U2SURP: variants seen among roughly 807,000 people sequenced by gnomAD.
The protein encoded by U2SURP is U2 snRNP-associated SURP motif-containing protein.
A neutral mutation model predicts 144.9 loss-of-function variants in U2SURP; 9 were observed. The ratio of observed to expected loss-of-function variants is 0.06; its 90% CI spans 0.04 to 0.11. The LOEUF (loss-of-function observed/expected upper bound fraction) is 0.11. U2SURP is among the 10% of genes least tolerant of loss of function. The probability of loss-of-function intolerance (pLI) is 1.00; values close to 1 mark genes in which losing one functional copy is unlikely to be tolerated. For synonymous variants in U2SURP, 408 were observed against 396.8 expected, an observed-to-expected ratio of 1.03 and a Z score of -0.33; for missense variants, 724 against 1,226.7, an observed-to-expected ratio of 0.59 and a Z score of 6.12.
chr3:143,055,086 A>T lies in U2SURP; in HGVS notation c.2918A>T (p.Asp973Val), dbSNP rs766501456. The change falls in exon 27 of 28, where the codon GAT becomes GTT. Residue 973 changes from aspartate to valine, a missense_variant. Asp to Val is a radical substitution (Grantham distance 152). Transcript: ENST00000473835. Reference protein sequence around the residue: ...ESSRSRSSHKDSPRDVSKKAK... With the variant: ...ESSRSRSSHKVSPRDVSKKAK... Reference sequence around the variant, plus strand: ...TCACGGTCCAGGTCATCTCACAAAGATTCTCCTAGAGATGTTAGCAAAAAA... The same window carrying T: ...TCACGGTCCAGGTCATCTCACAAAGTTTCTCCTAGAGATGTTAGCAAAAAA... The T allele has an allele frequency of 1.9e-6, 3 of 1,605,352 alleles. No homozygotes were observed. In the South Asian group the frequency reaches 3.4e-5, roughly 18 times the overall value.
At position 143,043,113 on chromosome 3, in the gene U2SURP, A is replaced by G; in HGVS notation, c.2385-4A>G. ...CATACAATGTATTCTGCTTGTTTCT[A>G]AAGTCAAGAAGAAGAAAGTGAAGAT... On this transcript the variant is annotated splice_polypyrimidine_tract_variant and splice_region_variant and intron_variant, in intron 23 of 27. Transcript: ENST00000473835. 1 of 1,599,430 alleles carries G rather than the reference A, an allele frequency of 6.3e-7. No homozygotes were observed. Among genetic ancestry groups the G allele is most frequent in the East Asian group, 2.2e-5 (1 of 44,714 alleles).
chr3:143,027,974 C>T (rs563231527), intron 14 of U2SURP, among the ~76,000 whole-genome samples: 8 of 152,220 alleles, frequency 5.3e-5, no homozygotes, highest in South Asian at 2.1e-4. Context: ...TGAATTGTTA[C>T]GGTATTCTTA....
chr3:143,020,084 A>C lies in U2SURP; in HGVS notation c.638+48A>C, dbSNP rs1325301904. 4.3e-6 allele frequency: 5 copies of C among 1,167,590 alleles called. No individual in the cohort carries two copies. The Admixed American group carries it at 1.5e-4, about 35-fold the overall frequency. 72.3% of individuals were successfully genotyped at this position (1,167,590 alleles called of 1,614,324 possible). A position where few individuals can be genotyped will look rare whatever the true frequency, so the allele number is the denominator to read the frequency against. ...TAACTATCATAGGTGTATTGAGCTGATACATAAACAGATGCAAGTATAAAG... is the reference window on the plus strand; with the variant it reads ...TAACTATCATAGGTGTATTGAGCTGCTACATAAACAGATGCAAGTATAAAG... On this transcript the variant is annotated intron_variant, in intron 7 of 27. Transcript: ENST00000473835.
chr3:143,010,620 AT>A (rs1421455045), intron 1 of U2SURP, among the ~76,000 whole-genome samples, 194 bp from the exon 2 acceptor site: 3 of 152,220 alleles, frequency 2.0e-5, no homozygotes, highest in Non-Finnish European at 2.9e-5. Flanking sequence ...TGCAGGCTGA[AT>A]TTTAAAGAAA....
chr3:143,005,864 T>G (rs1259854529), intron 1 of U2SURP, among the ~76,000 whole-genome samples: 1 of 152,064 alleles, frequency 6.6e-6, no homozygotes, highest in Non-Finnish European at 1.5e-5. Context: ...GAGCCATCAT[T>G]TTTGGAATAA....
chr3:143,002,327 T>C (rs1653294031), intron 1 of U2SURP: 1 of 152,348 alleles, frequency 6.6e-6, no homozygotes, highest in Admixed American at 6.5e-5. Context: ...TTCTTTATGT[T>C]GAAGAAACAG....
In U2SURP at chr3:143,023,120, G is replaced by T. The variant is rs746395236; in HGVS notation, c.1230+56G>T. On this transcript the variant is annotated intron_variant, in intron 12 of 27. Transcript: ENST00000473835. ...CTAATTTGTAAATACTAAAGCTGTG[G>T]TAGTATTTCTTTTCAACAATTTTAT... is the stretch of plus-strand genomic sequence containing the variant. 3.6e-6 allele frequency: 5 copies of T among 1,382,982 alleles called. No individual in the cohort carries two copies. The African/African-American group carries it at 7.4e-5, about 20-fold the overall frequency. 85.7% of individuals were successfully genotyped at this position (1,382,982 alleles called of 1,614,324 possible). A position where few individuals can be genotyped will look rare whatever the true frequency, so the allele number is the denominator to read the frequency against.
chr3:143,051,602 CAAAAAAA>C (rs3041537), intron 25 of U2SURP, among the ~76,000 whole-genome samples: 44 of 90,638 alleles, frequency 4.9e-4, no homozygotes, highest in South Asian at 1.5e-3. Context: ...ACTGTCGTTG[CAAAAAAA>C]AAAAAAAAAA....
chr3:143,046,269 T>TTC (rs1475867614), intron 24 of U2SURP, among the ~76,000 whole-genome samples: 27 of 141,220 alleles, frequency 1.9e-4, no homozygotes, highest in African/African-American at 7.3e-4. Context: ...GCCAGTTCTT[T>TTC]TTTTTTTTTT....
At chr3:143,020,722 C>T in intron 8 of U2SURP, 29 bp downstream of exon 8, 1 of 1,540,138 alleles carries the variant, frequency 6.5e-7, no homozygotes, top group South Asian at 1.1e-5. Context: ...AATGTGTATG[C>T]TTGTGATTAA....
At position 143,021,477 on chromosome 3, in the gene U2SURP, T is replaced by C. The variant is rs767274190; in HGVS notation, c.774T>C (p.Leu258=). The part of the protein sequence containing the change: ...PSRRNRSSGV[L]DDYAPGSHDV... ...CTTTTTTTCTTTCTGCCCTAGTTCT[T>C]GATGATTACGCACCTGGCTCACATG... The change falls in exon 10 of 28, where the codon CTT becomes CTC. Residue 258 remains leucine, a synonymous_variant. Coordinates refer to ENST00000473835, the MANE Select transcript of U2SURP (RefSeq NM_001080415.2). 37 of 1,613,790 alleles carry C rather than the reference T, an allele frequency of 2.3e-5. No homozygotes were observed. The highest frequency in any genetic ancestry group is 4.5e-5 in the East Asian group (2 of 44,880).
intron 18 of U2SURP, 43 bp downstream of exon 18, chr3:143,033,393 TA>T: frequency 9.4e-7 from 1 of 1,063,836 alleles, no homozygotes; most frequent in South Asian, 1.4e-5. Context: ...ATAAAGTATT[TA>T]AGGGTAAGGA....
In U2SURP at chr3:143,012,126, T is replaced by A; in HGVS notation, c.91-96T>A. 6 of 1,419,798 alleles carry A rather than the reference T, an allele frequency of 4.2e-6. No individual in the cohort carries two copies. The South Asian group carries it at 6.3e-5, about 15-fold the overall frequency. 88.0% of individuals were successfully genotyped at this position (1,419,798 alleles called of 1,614,324 possible). ...GATATTTTGATAATCTACAATGAAATTTGTCAATATCTGGCATGGCTTATT... is the reference window on the plus strand; with the variant it reads ...GATATTTTGATAATCTACAATGAAAATTGTCAATATCTGGCATGGCTTATT... On this transcript the variant is annotated intron_variant, in intron 2 of 27. Coordinates refer to ENST00000473835, the MANE Select transcript of U2SURP (RefSeq NM_001080415.2).
At chr3:143,017,681 T>C (rs1225149010) in intron 6 of U2SURP, among the ~76,000 whole-genome samples, 1 of 152,024 alleles carries the variant, frequency 6.6e-6, no homozygotes, top group Non-Finnish European at 1.5e-5. Flanking sequence ...AGTGTAGTAG[T>C]GTGATTACGG....
intron 24 of U2SURP, among the ~76,000 whole-genome samples, chr3:143,047,745 C>T (rs1480771784): frequency 6.5e-5 from 5 of 76,664 alleles, no homozygotes; most frequent in African/African-American, 1.6e-4. Flanking sequence ...GCTGGCCGGG[C>T]GGGGGGCTGA....
At chr3:143,011,371 T>C (rs904481398) in intron 2 of U2SURP, among the ~76,000 whole-genome samples, 1 of 152,208 alleles carries the variant, frequency 6.6e-6, no homozygotes, top group Non-Finnish European at 1.5e-5. Flanking sequence ...TTTTTTAATA[T>C]ATGTTATTAC....
At position 143,036,167 on chromosome 3, in the gene U2SURP, A is replaced by C; in HGVS notation, c.2064+63A>C. 2.6e-6 allele frequency: 4 copies of C among 1,514,344 alleles called. No individual in the cohort carries two copies. The South Asian group carries it at 4.1e-5, about 16-fold the overall frequency. 93.8% of individuals were successfully genotyped at this position (1,514,344 alleles called of 1,614,324 possible). On this transcript the variant is annotated intron_variant, in intron 20 of 27. Coordinates refer to ENST00000473835, the MANE Select transcript of U2SURP (RefSeq NM_001080415.2). Reference sequence around the variant, plus strand: ...CGTTTCTGGGGTGGAGGTTTCTTGGAGTTGTTCTGTGTTACATATGTGAGG... The same window carrying C: ...CGTTTCTGGGGTGGAGGTTTCTTGGCGTTGTTCTGTGTTACATATGTGAGG...
chr3:143,053,552 AGT>A, intron 25 of U2SURP, 122 bp from the exon 26 acceptor site: 1 of 623,200 alleles, frequency 1.6e-6, no homozygotes, highest in Non-Finnish European at 2.5e-6. Flanking sequence ...TTTTTTTAAT[AGT>A]ATTGTACCTT....
intron 23 of U2SURP, among the ~76,000 whole-genome samples, chr3:143,041,338 T>C (rs1000293380): frequency 6.6e-6 from 1 of 151,954 alleles, no homozygotes; most frequent in African/African-American, 2.4e-5. Context: ...TTAGGAAATT[T>C]ATGACAAATT....
Sources: gnomAD v4.1 joint callset for allele counts (sites outside exome capture counted in the v4.1 genomes callset) on GRCh38, gnomAD v4.1.1 for gene constraint, MANE v1.5 for transcripts, NCBI Gene and HGNC (gene_info 2026-07-23, HGNC 2026-07-21) for gene names.